The following PSG5 variants were observed in gnomAD, a reference collection of about 807,000 sequenced individuals.
PSG5 encodes pregnancy specific beta-1-glycoprotein 5.
A neutral mutation model predicts 37.7 loss-of-function variants in PSG5; 53 were observed. The observed-to-expected ratio is 1.41, with a 90% CI of 1.13 to 1.77. PSG5 has a LOEUF of 1.77. Among genes scored for constraint, PSG5 ranks in the 40% most tolerant of loss-of-function variants. The pLI, the probability that PSG5 is intolerant of heterozygous loss-of-function variation, is 0.00. For missense variants in PSG5, 547 were observed against 405.2 expected (o/e 1.35, Z -3.00); for synonymous variants, 221 against 155.4 (o/e 1.42, Z -3.14).
At chr19:43,182,556 T>C (rs1433913073) in intron 2 of PSG5, among the ~76,000 whole-genome samples, 1 of 151,262 alleles carries the variant, frequency 6.6e-6, no homozygotes. Flanking sequence ...ACTCATTTTT[T>C]AGTCCTGTGC....
chr19:43,182,961 C>T (rs1599754882), intron 2 of PSG5, among the ~76,000 whole-genome samples: 1 of 150,186 alleles, frequency 6.7e-6, no homozygotes, highest in African/African-American at 2.5e-5. Context: ...GTGGGCCAGG[C>T]CACAGTGTTA....
chr19:43,182,467 C>G (rs1568375506), intron 2 of PSG5, among the ~76,000 whole-genome samples: 1 of 151,430 alleles, frequency 6.6e-6, no homozygotes, highest in Non-Finnish European at 1.5e-5. Context: ...GTCATGTGGT[C>G]CCTACCTGGA....
chr19:43,179,160 T>G (rs531588768), intron 2 of PSG5: 56 of 1,586,770 alleles, frequency 3.5e-5, no homozygotes, highest in African/African-American at 5.4e-5. Context: ...AGTTTCCACT[T>G]TGCAGAAAAC....
Position 43,181,588 on chromosome 19 carries a change from A to G in PSG5, c.430+3194T>C, listed in dbSNP as rs1465488719. Among the ~76,000 whole-genome samples, 6 of 151,776 alleles carry G rather than the reference A, an allele frequency of 4.0e-5. 1 individual carries two copies. The highest frequency in any genetic ancestry group is 8.8e-5 in the Non-Finnish European group (6 of 67,926). ...ATTCTCCTGGCTCAGCCTACCAAGT[A>G]GCTGGGACTACAGGCATCCGCCACC... On this transcript the variant is annotated intron_variant, in intron 2 of 5. Coordinates refer to ENST00000342951, the MANE Select transcript of PSG5 (RefSeq NM_002781.4).
intron 5 of PSG5, 94 bp from the exon 6 acceptor site, chr19:43,168,297 T>C: frequency 2.9e-6 from 1 of 350,792 alleles, no homozygotes; most frequent in Non-Finnish European, 5.3e-6. Context: ...TCCAGTTACT[T>C]CTGTGGCATA....
At position 43,170,132 on chromosome 19, in the gene PSG5, G is replaced by A. The variant is rs1968873136; in HGVS notation, c.971C>T (p.Ser324Leu). The A allele has an allele frequency of 3.2e-6, 5 of 1,586,478 alleles. No homozygotes were observed. The African/African-American group carries it at 5.4e-5, about 17-fold the overall frequency. Residue 324 changes from serine to leucine, a missense_variant, in exon 5 of 6, where the codon TCA becomes TTA. By Grantham distance (145) the Ser-to-Leu change is moderately radical. Coordinates refer to ENST00000342951, the MANE Select transcript of PSG5 (RefSeq NM_002781.4). ...AAGGAGAGGAAGACGTCCTATTCCT[G>A]AAGGAGCTGTCATGGAAAGAAAAGT... The part of the protein sequence containing the change: ...KSMTVEVSAP[S>L]GIGRLPLLNP...
chr19:43,184,707 C>T (rs1969204780), intron 2 of PSG5, 75 bp downstream of exon 2: 3 of 1,602,292 alleles, frequency 1.9e-6, no homozygotes, highest in East Asian at 4.5e-5. Flanking sequence ...ACAGTGCAGG[C>T]CTGACAATCC....
chr19:43,182,836 A>G (rs1296616286), intron 2 of PSG5, among the ~76,000 whole-genome samples: 1 of 146,216 alleles, frequency 6.8e-6, no homozygotes, highest in Non-Finnish European at 1.5e-5. Context: ...AGAGCCCTGG[A>G]TGGGAATACA....
At position 43,170,083 on chromosome 19, in the gene PSG5, A is replaced by T; in HGVS notation, c.*12T>A. 6.4e-7 allele frequency: 1 copy of T among 1,574,464 alleles called. No individual in the cohort carries two copies. Among genetic ancestry groups the T allele is most frequent in the Non-Finnish European group, 8.7e-7 (1 of 1,149,750 alleles). ...CCAGTCTTCCTGAAATACAGAAATG[A>T]CTTCACGGCTGCTATATTGGATTAA... On this transcript the variant is annotated 3_prime_UTR_variant, in exon 5 of 6. Transcript: ENST00000342951.
At chr19:43,168,248 T>C in intron 5 of PSG5, 45 bp from the exon 6 acceptor site, 1 of 388,114 alleles carries the variant, frequency 2.6e-6, no homozygotes, top group Non-Finnish European at 4.8e-6. Flanking sequence ...AAAAATCTAA[T>C]GAGAATTTAT....
At position 43,170,072 on chromosome 19, in the gene PSG5, A is replaced by C. The variant is rs781612509; in HGVS notation, c.*23T>G. The C allele has an allele frequency of 3.8e-6, 6 of 1,558,500 alleles. No homozygotes were observed. The Admixed American group carries it at 1.0e-4, about 26-fold the overall frequency. On this transcript the variant is annotated 3_prime_UTR_variant, in exon 5 of 6. Coordinates refer to ENST00000342951, the MANE Select transcript of PSG5 (RefSeq NM_002781.4). The stretch of plus-strand genomic sequence containing the variant: ...CATCATACCTGCCAGTCTTCCTGAA[A>C]TACAGAAATGACTTCACGGCTGCTA...
intron 5 of PSG5, 88 bp downstream of exon 5, chr19:43,169,967 C>G: frequency 2.5e-6 from 2 of 796,998 alleles, no homozygotes; most frequent in South Asian, 1.3e-5. Flanking sequence ...GAGATGCAGT[C>G]CCAGATACAA....
chr19:43,169,519 G>A (rs1441094870), intron 5 of PSG5, among the ~76,000 whole-genome samples: 2 of 151,622 alleles, frequency 1.3e-5, no homozygotes, highest in Non-Finnish European at 2.9e-5. Flanking sequence ...TAATTAGGAT[G>A]AAGGAATTAT....
chr19:43,170,629 C>G lies in PSG5; in HGVS notation c.965-491G>C, dbSNP rs564607948. On this transcript the variant is annotated intron_variant, in intron 4 of 5. Coordinates refer to ENST00000342951, the MANE Select transcript of PSG5 (RefSeq NM_002781.4). ...TCCCAGGAAGGGCGTGAAAGCAAGC[C>G]TAGTTCTCTGAGGCTCTCTTTAACT... 24 of 278,202 alleles carry G rather than the reference C, an allele frequency of 8.6e-5. 1 individual carries two copies. The South Asian group carries it at 1.0e-3, about 12-fold the overall frequency. The allele number at this position is 278,202 out of a possible 1,614,324, so 17.2% of individuals were successfully genotyped here.
At position 43,175,439 on chromosome 19, in the gene PSG5, G is replaced by C; in HGVS notation, c.740C>G (p.Ser247Ter). ...YGPDLPSIYPSFTYYRSGENL... is the reference protein window; with the variant it reads ...YGPDLPSIYP ...TTCTCCTGAACGGTAATAGGTGAAT[G>C]AAGGGTAAATGCTGGGGAGGTCTGG... Residue 247 changes from serine (S) to a stop codon, truncating the protein, a stop_gained, in exon 4 of 6, where the codon TCA (serine) becomes TGA (stop). Transcript: ENST00000342951. LOFTEE classifies it high-confidence loss of function. The C allele has an allele frequency of 6.2e-7, 1 of 1,612,238 alleles. No individual in the cohort carries two copies. The highest frequency in any genetic ancestry group is 8.5e-7 in the Non-Finnish European group (1 of 1,178,926).
chr19:43,175,615 C>G, intron 3 of PSG5, 146 bp from the exon 4 acceptor site: 2 of 1,427,160 alleles, frequency 1.4e-6, no homozygotes, highest in Non-Finnish European at 1.9e-6. Flanking sequence ...GAGCCAAAGC[C>G]TGAGGTATTC....
chr19:43,183,454 C>T (rs1453351507), intron 2 of PSG5: 1 of 529,616 alleles, frequency 1.9e-6, no homozygotes, highest in South Asian at 1.4e-5. Context: ...TCTCGCTGGG[C>T]CTGTGCTGGA....
chr19:43,176,800 C>A (rs574364116), intron 2 of PSG5, among the ~76,000 whole-genome samples: 16 of 150,622 alleles, frequency 1.1e-4, no homozygotes. Flanking sequence ...AAAGATAGAG[C>A]AGAGTGCAAG....
At chr19:43,171,398 A>C (rs1468008350) in intron 4 of PSG5, 1 of 155,954 alleles carries the variant, frequency 6.4e-6, no homozygotes, top group Non-Finnish European at 1.4e-5. Context: ...GAAATTTATA[A>C]CTGTAAACTC....
Sources: gnomAD v4.1 joint callset for allele counts (sites outside exome capture counted in the v4.1 genomes callset) on GRCh38, gnomAD v4.1.1 for gene constraint, MANE v1.5 for transcripts, NCBI Gene and HGNC (gene_info 2026-07-23, HGNC 2026-07-21) for gene names.